Variants in OR9Q1 observed in about 807,000 individuals in gnomAD.
The protein encoded by OR9Q1 is olfactory receptor family 9 subfamily Q member 1, also known as olfactory receptor 9Q1.
For synonymous variants in OR9Q1, 153 were observed against 148.6 expected, an observed-to-expected ratio of 1.03 and a Z score of -0.22; for missense variants, 374 against 378.8, an observed-to-expected ratio of 0.99 and a Z score of 0.11.
At chr11:58,085,449 AT>A (rs1853625300) in intron 2 of OR9Q1, among the ~76,000 whole-genome samples, 1 of 151,774 alleles carries the variant, frequency 6.6e-6, no homozygotes, top group African/African-American at 2.4e-5. Context: ...AATTTTAAAT[AT>A]CCAATATCAT....
chr11:58,082,653 G>C (rs940916116), intron 2 of OR9Q1, among the ~76,000 whole-genome samples: 14 of 138,192 alleles, frequency 1.0e-4, no homozygotes, highest in African/African-American at 2.9e-4. Context: ...GCTAAATGAC[G>C]AGTTAATGGG....
chr11:58,139,008 G>C (rs966229209), intron 2 of OR9Q1, among the ~76,000 whole-genome samples: 7 of 152,134 alleles, frequency 4.6e-5, no homozygotes, highest in Non-Finnish European at 7.3e-5. Context: ...GCTAAAGAAA[G>C]AGGGGAGACA....
intron 2 of OR9Q1, chr11:58,109,453 T>A (rs1300210820): frequency 2.2e-6 from 1 of 462,490 alleles, no homozygotes; most frequent in South Asian, 1.5e-5. Flanking sequence ...ACAGCAGGCA[T>A]CCAGGAAAGC....
intron 2 of OR9Q1, chr11:58,109,348 G>T: frequency 2.2e-6 from 1 of 459,914 alleles, no homozygotes; most frequent in South Asian, 1.5e-5. Flanking sequence ...TGCACATATG[G>T]TGAAGAAAGA....
At chr11:58,029,069 A>G (rs1226401903) in intron 1 of OR9Q1, among the ~76,000 whole-genome samples, 2 of 152,206 alleles carry the variant, frequency 1.3e-5, no homozygotes, top group Non-Finnish European at 2.9e-5. Context: ...TATTTATGTT[A>G]CTGCATAACA....
Position 58,180,323 on chromosome 11 carries a change from C to A in OR9Q1, c.879C>A (p.Asn293Lys), listed in dbSNP as rs770371500. The A allele has an allele frequency of 3.7e-6, 6 of 1,608,176 alleles. No homozygotes were observed. Among genetic ancestry groups the A allele is most frequent in the African/African-American group, 1.3e-5 (1 of 74,906 alleles). Reference protein sequence around the residue: ...MLNPLIYSLRNKEVKEALRKI... With the variant: ...MLNPLIYSLRKKEVKEALRKI... ...ATCCCCTCATCTACAGCCTGAGGAA[C>A]AAGGAAGTGAAGGAGGCCCTGAGAA... The change falls in exon 3 of 3, where the codon AAC (asparagine) becomes AAA (lysine). Residue 293 changes from asparagine to lysine, a missense_variant. Physicochemically the swap from Asn to Lys is moderately conservative, Grantham distance 94 (BLOSUM62 0). Coordinates refer to ENST00000335397, the MANE Select transcript of OR9Q1 (RefSeq NM_001005212.4).
chr11:58,169,764 A>C (rs139800795), intron 2 of OR9Q1, among the ~76,000 whole-genome samples: 8 of 152,126 alleles, frequency 5.3e-5, no homozygotes, highest in Admixed American at 2.6e-4. Flanking sequence ...AGGGCTTTAC[A>C]TATCATGCTG....
chr11:58,164,165 C>T (rs546968426), intron 2 of OR9Q1, among the ~76,000 whole-genome samples: 26 of 151,666 alleles, frequency 1.7e-4, no homozygotes, highest in Admixed American at 2.6e-4. Context: ...TGGGGGGATG[C>T]GCATGTAGGG....
chr11:58,069,207 A>G (rs554879591), intron 2 of OR9Q1, among the ~76,000 whole-genome samples: 75 of 152,136 alleles, frequency 4.9e-4, no homozygotes, highest in African/African-American at 1.8e-3. Context: ...CCTGGAGTTA[A>G]CACCCTGGAT....
At chr11:58,154,688 A>T (rs550546541) in intron 2 of OR9Q1, among the ~76,000 whole-genome samples, 2 of 152,358 alleles carry the variant, frequency 1.3e-5, no homozygotes, top group East Asian at 3.9e-4. Context: ...TACACATTGT[A>T]TGCATACACC....
chr11:58,140,503 A>G (rs1297832282), intron 2 of OR9Q1, among the ~76,000 whole-genome samples: 1 of 152,148 alleles, frequency 6.6e-6, no homozygotes, highest in Non-Finnish European at 1.5e-5. Context: ...CTTTCTACAT[A>G]TGGCTAGCCA....
intron 2 of OR9Q1, among the ~76,000 whole-genome samples, chr11:58,120,054 C>A (rs1266037447): frequency 1.3e-5 from 2 of 152,160 alleles, no homozygotes; most frequent in Non-Finnish European, 2.9e-5. Context: ...ATTCAATGGG[C>A]AGTAAAAAAA....
At chr11:58,050,248 A>T (rs1472874052) in intron 1 of OR9Q1, among the ~76,000 whole-genome samples, 3 of 143,126 alleles carry the variant, frequency 2.1e-5, no homozygotes, top group East Asian at 2.0e-4. Context: ...ACCAAAACAG[A>T]GATATAGATC....
At chr11:58,179,310 C>T in intron 2 of OR9Q1, 121 bp from the exon 3 acceptor site, 1 of 630,580 alleles carries the variant, frequency 1.6e-6, no homozygotes, top group South Asian at 2.4e-5. Context: ...AGGTGTGAGC[C>T]ACAGCACCTG....
intron 2 of OR9Q1, among the ~76,000 whole-genome samples, chr11:58,113,471 TCATTACCCCC>T (rs1353713427): frequency 2.0e-5 from 3 of 152,154 alleles, no homozygotes; most frequent in Non-Finnish European, 4.4e-5. Flanking sequence ...ACTTCCCAAC[TCATTACCCCC>T]CTCATTGTAC....
intron 2 of OR9Q1, among the ~76,000 whole-genome samples, chr11:58,096,746 C>T (rs2120077332): frequency 6.6e-6 from 1 of 150,558 alleles, no homozygotes; most frequent in South Asian, 2.1e-4. Context: ...CTCTGTCACC[C>T]AGGCTGGAGT....
intron 1 of OR9Q1, among the ~76,000 whole-genome samples, chr11:58,043,445 T>C (rs758862207): frequency 6.6e-6 from 1 of 152,202 alleles, no homozygotes; most frequent in Non-Finnish European, 1.5e-5. Flanking sequence ...ACATTGCTTT[T>C]ATACTGAAGT....
At position 58,176,431 on chromosome 11, in the gene OR9Q1, T is replaced by C. The variant is rs191153266; in HGVS notation, c.-14-3000T>C. Among the ~76,000 whole-genome samples, 283 of 152,318 alleles carry C rather than the reference T, an allele frequency of 1.9e-3. 4 individuals carry two copies. The highest frequency in any genetic ancestry group is 0.017 in the Admixed American group (255 of 15,300). Reference sequence around the variant, plus strand: ...CCTTAGAGAACACTTTAGCCATTGATTGGAGACCTCAGAGCTTTTGTAGCA... The same window carrying C: ...CCTTAGAGAACACTTTAGCCATTGACTGGAGACCTCAGAGCTTTTGTAGCA... On this transcript the variant is annotated intron_variant, in intron 2 of 2. Transcript: ENST00000335397.
chr11:58,175,694 C>T (rs1854600381), intron 2 of OR9Q1, among the ~76,000 whole-genome samples: 1 of 151,954 alleles, frequency 6.6e-6, no homozygotes, highest in African/African-American at 2.4e-5. Flanking sequence ...CATTTCACAT[C>T]TCTTGCTCTC....
Sources: gnomAD v4.1 joint callset for allele counts (sites outside exome capture counted in the v4.1 genomes callset) on GRCh38, gnomAD v4.1.1 for gene constraint, MANE v1.5 for transcripts, NCBI Gene and HGNC (gene_info 2026-07-23, HGNC 2026-07-21) for gene names.